SPATA6L: variants seen among roughly 807,000 people sequenced by gnomAD.
SPATA6L encodes spermatogenesis associated 6-like protein.
Under a neutral mutation model 49.2 loss-of-function variants are expected in SPATA6L, and 68 were observed. That is an observed-to-expected ratio of 1.38 (90% CI 1.14 to 1.69). The LOEUF (loss-of-function observed/expected upper bound fraction) is 1.69, where lower values mean the gene tolerates loss of function less well. Among genes scored for constraint, SPATA6L ranks in the 40% most tolerant of loss-of-function variants. The pLI is 0.00. For synonymous variants in SPATA6L, 198 were observed against 165.7 expected (o/e 1.19, Z -1.50); for missense variants, 668 against 464.3 (o/e 1.44, Z -4.03).
rs1587481602 is a variant in SPATA6L at position 4,655,245 on chromosome 9, T to C, written c.226+796A>G. On this transcript the variant is annotated intron_variant, in intron 3 of 11. Transcript: ENST00000682582. ...AATTAAGTTCTGGCACATGCTATAA[T>C]ATGGATGAATCTTGAAAACATTACA... 2.0e-5 allele frequency among the ~76,000 whole-genome samples: 3 copies of C among 152,344 alleles called. 1 individual carries two copies. The South Asian group carries it at 6.2e-4, about 32-fold the overall frequency.
intron 3 of SPATA6L, among the ~76,000 whole-genome samples, chr9:4,647,749 G>A (rs1201693458): frequency 1.3e-5 from 2 of 151,472 alleles, no homozygotes; most frequent in Non-Finnish European, 1.5e-5. Context: ...TAACTTAAAT[G>A]ATATATTAGG....
chr9:4,632,496 T>C (rs1831827216), intron 4 of SPATA6L, among the ~76,000 whole-genome samples: 1 of 151,082 alleles, frequency 6.6e-6, no homozygotes, highest in South Asian at 2.1e-4. Flanking sequence ...CTCAGGAAGC[T>C]GAGGCAGGAG....
Position 4,605,443 on chromosome 9 carries a change from G to T in SPATA6L, c.996-3C>A. ...TGGACTGAGAACCAGGATGGAACCT[G>T]CTCAACAGATGGAACAGGGTGGAAT... On this transcript the variant is annotated splice_polypyrimidine_tract_variant and splice_region_variant and intron_variant, in intron 9 of 11. Coordinates refer to ENST00000682582, the MANE Select transcript of SPATA6L (RefSeq NM_001353486.2). 1 of 1,610,730 alleles carries T rather than the reference G, an allele frequency of 6.2e-7. No homozygotes were observed. Among genetic ancestry groups the T allele is most frequent in the African/African-American group, 1.3e-5 (1 of 74,942 alleles).
intron 9 of SPATA6L, among the ~76,000 whole-genome samples, chr9:4,611,279 C>T (rs1342992912): frequency 1.4e-5 from 2 of 145,816 alleles, no homozygotes; most frequent in African/African-American, 5.5e-5. Flanking sequence ...ACCATTTGAC[C>T]CAGCCATCCC....
intron 3 of SPATA6L, among the ~76,000 whole-genome samples, chr9:4,635,754 T>C (rs897355302): frequency 6.6e-6 from 1 of 152,230 alleles, no homozygotes; most frequent in African/African-American, 2.4e-5. Flanking sequence ...AAGGTGGACA[T>C]AGCATTGTTC....
At chr9:4,642,047 C>T (rs971229141) in intron 3 of SPATA6L, among the ~76,000 whole-genome samples, 43 of 152,178 alleles carry the variant, frequency 2.8e-4, no homozygotes, top group African/African-American at 7.2e-4. Context: ...GGATTACAGG[C>T]GCAAGCCACC....
intron 3 of SPATA6L, among the ~76,000 whole-genome samples, chr9:4,650,481 G>T (rs1351852573): frequency 6.6e-6 from 1 of 152,032 alleles, no homozygotes; most frequent in Non-Finnish European, 1.5e-5. Context: ...AGAAAGTAAT[G>T]AAATAGAAAA....
intron 9 of SPATA6L, among the ~76,000 whole-genome samples, chr9:4,606,314 C>A (rs1254672193): frequency 2.8e-5 from 4 of 143,088 alleles, no homozygotes; most frequent in Admixed American, 7.1e-5. Context: ...AGGAGGCCTG[C>A]CTGCCTCTGT....
intron 2 of SPATA6L, among the ~76,000 whole-genome samples, chr9:4,661,489 G>A (rs1427067410): frequency 1.3e-5 from 2 of 150,536 alleles, no homozygotes; most frequent in Non-Finnish European, 2.9e-5. Flanking sequence ...TTTAGTTACA[G>A]GATTTAACTA....
chr9:4,644,616 G>A (rs1042676017), intron 3 of SPATA6L, among the ~76,000 whole-genome samples: 29 of 151,526 alleles, frequency 1.9e-4, no homozygotes, highest in African/African-American at 1.9e-4. Flanking sequence ...GCAGAAATGC[G>A]TAATAGCAGA....
intron 11 of SPATA6L, among the ~76,000 whole-genome samples, chr9:4,603,487 G>C (rs1157792268): frequency 6.6e-6 from 1 of 152,172 alleles, no homozygotes; most frequent in Admixed American, 6.5e-5. Flanking sequence ...GGAGGGTCAG[G>C]TGATACAGAG....
At chr9:4,641,902 G>A (rs557651085) in intron 3 of SPATA6L, among the ~76,000 whole-genome samples, 1 of 152,238 alleles carries the variant, frequency 6.6e-6, no homozygotes, top group East Asian at 1.9e-4. Context: ...CAAGTAGCTG[G>A]GACTACAGGC....
chr9:4,641,985 C>G lies in SPATA6L; in HGVS notation c.227-6586G>C, dbSNP rs182142149. Among the ~76,000 whole-genome samples, 349 of 152,226 alleles carry G rather than the reference C, an allele frequency of 2.3e-3. 1 individual carries two copies. Among genetic ancestry groups the G allele is most frequent in the African/African-American group, 8.1e-3 (336 of 41,536 alleles). On this transcript the variant is annotated intron_variant, in intron 3 of 11. Coordinates refer to ENST00000682582, the MANE Select transcript of SPATA6L (RefSeq NM_001353486.2). Reference sequence around the variant, plus strand: ...GTTTCACCATGTTTCCCGGGCTGTACCTGAACTCCTGTGCTCAAGCAATCC... The same window carrying G: ...GTTTCACCATGTTTCCCGGGCTGTAGCTGAACTCCTGTGCTCAAGCAATCC...
At chr9:4,655,809 C>A (rs954446564) in intron 3 of SPATA6L, among the ~76,000 whole-genome samples, 1 of 152,100 alleles carries the variant, frequency 6.6e-6, no homozygotes, top group Non-Finnish European at 1.5e-5. Flanking sequence ...CCTCGGCCTC[C>A]CAAAGTGCTG....
intron 3 of SPATA6L, among the ~76,000 whole-genome samples, chr9:4,650,320 G>C (rs2130715932): frequency 6.6e-6 from 1 of 152,204 alleles, no homozygotes; most frequent in East Asian, 1.9e-4. Flanking sequence ...TCTTTCAACT[G>C]AGTAACATCT....
intron 5 of SPATA6L, chr9:4,627,909 A>G (rs968183792): frequency 1.2e-6 from 1 of 810,858 alleles, no homozygotes; most frequent in Non-Finnish European, 1.8e-6. Flanking sequence ...ACATACACAT[A>G]ATGGAGTGCT....
intron 9 of SPATA6L, among the ~76,000 whole-genome samples, chr9:4,606,226 G>T (rs978365931): frequency 6.8e-6 from 1 of 147,926 alleles, no homozygotes; most frequent in African/African-American, 2.5e-5. Flanking sequence ...TGGGGGAGGG[G>T]CGCCCGCCAT....
At chr9:4,606,007 A>G (rs1389897859) in intron 9 of SPATA6L, among the ~76,000 whole-genome samples, 4 of 152,152 alleles carry the variant, frequency 2.6e-5, no homozygotes, top group Admixed American at 6.5e-5. Context: ...GGGAAGCGCA[A>G]GGGGTCAGGC....
intron 9 of SPATA6L, among the ~76,000 whole-genome samples, chr9:4,609,809 G>A (rs960191865): frequency 6.6e-6 from 1 of 151,354 alleles, no homozygotes; most frequent in Non-Finnish European, 1.5e-5. Context: ...AATTAGGCAG[G>A]AGAAGGAAAT....
Sources: gnomAD v4.1 joint callset for allele counts (sites outside exome capture counted in the v4.1 genomes callset) on GRCh38, gnomAD v4.1.1 for gene constraint, MANE v1.5 for transcripts, NCBI Gene and HGNC (gene_info 2026-07-23, HGNC 2026-07-21) for gene names.